Variants in TMC2 observed in about 807,000 individuals in gnomAD.
TMC2 encodes the protein transmembrane channel-like protein 2.
In TMC2, 102 loss-of-function variants were observed where a neutral mutation model predicts 105.9. That is an observed-to-expected ratio of 0.96 (90% CI 0.82 to 1.14). TMC2 has a LOEUF of 1.14. TMC2 is among the 50% of genes most tolerant of loss of function. The pLI is 0.00. For synonymous variants in TMC2, 402 were observed against 422.8 expected (o/e 0.95, Z 0.60); for missense variants, 1,093 against 1,134.3 (o/e 0.96, Z 0.52).
chr20:2,617,337 C>T, intron 16 of TMC2, 26 bp downstream of exon 16: 1 of 1,613,378 alleles, frequency 6.2e-7, no homozygotes, highest in South Asian at 1.1e-5. Flanking sequence ...TGCCCGGGAG[C>T]ACCTCCCCTC....
rs7270695 is a variant in TMC2 at position 2,564,621 on chromosome 20, T to C, written c.554+2611T>C. 7.5e-3 allele frequency among the ~76,000 whole-genome samples: 1,146 copies of C among 152,268 alleles called. 11 individuals carry two copies. The highest frequency in any genetic ancestry group is 0.026 in the African/African-American group (1,068 of 41,558). On this transcript the variant is annotated intron_variant, in intron 4 of 19. Coordinates refer to ENST00000358864, the MANE Select transcript of TMC2 (RefSeq NM_080751.3). ...GGAAAAAGTGCAGCCTTGATGCCTA[T>C]GGAAATGAGATCTCCAGCTGGCTGG... is the stretch of plus-strand genomic sequence containing the variant.
At chr20:2,590,961 C>T (rs2086264103) in intron 7 of TMC2, among the ~76,000 whole-genome samples, 1 of 151,942 alleles carries the variant, frequency 6.6e-6, no homozygotes, top group African/African-American at 2.4e-5. Context: ...ATGAGGAACA[C>T]TATAAAGAAT....
intron 17 of TMC2, among the ~76,000 whole-genome samples, chr20:2,630,843 A>G (rs2086597660): frequency 6.6e-6 from 1 of 152,184 alleles, no homozygotes; most frequent in Non-Finnish European, 1.5e-5. Context: ...AATGAAATAA[A>G]ATATAGTGTG....
At chr20:2,609,591 C>T (rs1202010296) in intron 11 of TMC2, among the ~76,000 whole-genome samples, 1 of 152,138 alleles carries the variant, frequency 6.6e-6, no homozygotes, top group East Asian at 1.9e-4. Flanking sequence ...TCCATGAGAG[C>T]TGAAGAGGCA....
At chr20:2,578,919 C>G (rs912148148) in intron 5 of TMC2, among the ~76,000 whole-genome samples, 4 of 152,210 alleles carry the variant, frequency 2.6e-5, no homozygotes, top group African/African-American at 9.6e-5. Context: ...TAAGGGGTGG[C>G]CCTCACTTGT....
chr20:2,611,254 G>C (rs1248145553), intron 12 of TMC2, among the ~76,000 whole-genome samples: 1 of 152,136 alleles, frequency 6.6e-6, no homozygotes, highest in Non-Finnish European at 1.5e-5. Context: ...AGCAAAGGAG[G>C]GCCCGATGAT....
At chr20:2,638,079 C>T (rs1030953067) in intron 19 of TMC2, among the ~76,000 whole-genome samples, 3 of 152,138 alleles carry the variant, frequency 2.0e-5, no homozygotes, top group Non-Finnish European at 2.9e-5. Flanking sequence ...TGGTGGCTCA[C>T]GCCTGCAATC....
At chr20:2,554,126 G>C (rs980613151) in intron 2 of TMC2, among the ~76,000 whole-genome samples, 2 of 152,118 alleles carry the variant, frequency 1.3e-5, no homozygotes, top group Non-Finnish European at 2.9e-5. Context: ...GACCTCAGGT[G>C]ATCCATCTGC....
intron 2 of TMC2, among the ~76,000 whole-genome samples, chr20:2,543,903 G>GATTTTTTTTTTTTTT (rs3051735): frequency 6.9e-6 from 1 of 144,184 alleles, no homozygotes. Flanking sequence ...CTGCATGTCA[G>GATTTTTTTTTTTTTT]TTTTTTTTTT....
intron 4 of TMC2, among the ~76,000 whole-genome samples, chr20:2,562,220 G>T (rs1164703129): frequency 2.0e-5 from 3 of 152,266 alleles, no homozygotes; most frequent in East Asian, 1.9e-4. Context: ...GGAAGACTCG[G>T]AGGACTCCCG....
At chr20:2,553,416 G>A (rs2085968304) in intron 2 of TMC2, among the ~76,000 whole-genome samples, 1 of 152,172 alleles carries the variant, frequency 6.6e-6, no homozygotes, top group African/African-American at 2.4e-5. Context: ...TGTTGAGCCA[G>A]TCTTGCATAC....
intron 11 of TMC2, among the ~76,000 whole-genome samples, chr20:2,602,989 A>T (rs886148991): frequency 6.6e-6 from 1 of 152,228 alleles, no homozygotes; most frequent in Non-Finnish European, 1.5e-5. Context: ...CAACCATGAA[A>T]CATGCAGAGA....
intron 5 of TMC2, among the ~76,000 whole-genome samples, chr20:2,573,193 T>A (rs1212960272): frequency 6.6e-6 from 1 of 152,176 alleles, no homozygotes; most frequent in African/African-American, 2.4e-5. Flanking sequence ...CATGCATTTT[T>A]AAAAATCCCT....
In TMC2 at chr20:2,584,482, C is replaced by T. The variant is rs6083758; in HGVS notation, c.834+4426C>T. Among the ~76,000 whole-genome samples, 30 of 151,986 alleles carry T rather than the reference C, an allele frequency of 2.0e-4. No individual in the cohort carries two copies. The East Asian group carries it at 5.8e-3, about 29-fold the overall frequency. ...AAAAGAAAAGATATAATGAATGAGC[C>T]TACTTGCTCATCACCATGCCTAAAA... On this transcript the variant is annotated intron_variant, in intron 7 of 19. Transcript: ENST00000358864.
rs572706793 is a variant in TMC2 at position 2,602,918 on chromosome 20, T to C, written c.1413+617T>C. ...TCACGAAGAGGTGGAATCTGTGTCCTCCATCTTTTGAATCCACCTTAGCTT... is the reference window on the plus strand; with the variant it reads ...TCACGAAGAGGTGGAATCTGTGTCCCCCATCTTTTGAATCCACCTTAGCTT... On this transcript the variant is annotated intron_variant, in intron 11 of 19. Coordinates refer to ENST00000358864, the MANE Select transcript of TMC2 (RefSeq NM_080751.3). Among the ~76,000 whole-genome samples, 18 of 152,384 alleles carry C rather than the reference T, an allele frequency of 1.2e-4. 1 individual carries two copies. The South Asian group carries it at 1.4e-3, about 12-fold the overall frequency.
At chr20:2,568,959 G>A (rs2122850729) in intron 4 of TMC2, among the ~76,000 whole-genome samples, 1 of 152,272 alleles carries the variant, frequency 6.6e-6, no homozygotes, top group East Asian at 1.9e-4. Flanking sequence ...AGTGGGGTAG[G>A]CATTTTGTAG....
intron 2 of TMC2, among the ~76,000 whole-genome samples, chr20:2,545,822 G>GAAGAAAGA (rs56859666): frequency 0.092 from 10,889 of 117,768 alleles, 583 homozygotes; most frequent in Middle Eastern, 0.16. Flanking sequence ...AGAGGAAGAG[G>GAAGAAAGA]AAGAAAGAAA....
intron 11 of TMC2, among the ~76,000 whole-genome samples, chr20:2,610,191 T>G (rs893154948): frequency 1.3e-5 from 2 of 152,162 alleles, no homozygotes; most frequent in Non-Finnish European, 2.9e-5. Context: ...ACAACCATTA[T>G]AGCATCTGGT....
intron 4 of TMC2, among the ~76,000 whole-genome samples, chr20:2,563,232 C>G (rs2086040274): frequency 1.3e-5 from 2 of 152,192 alleles, no homozygotes; most frequent in Non-Finnish European, 2.9e-5. Flanking sequence ...CCAACAGGCA[C>G]AGTAAAGATC....
Sources: allele counts gnomAD v4.1 joint callset (sites outside exome capture counted in the v4.1 genomes callset), GRCh38; gene constraint gnomAD v4.1.1; transcripts MANE v1.5; gene names NCBI Gene and HGNC (gene_info 2026-07-23, HGNC 2026-07-21).